RPTOR: variants seen among roughly 807,000 people sequenced by gnomAD.
RPTOR encodes regulatory-associated protein of mTOR.
A neutral mutation model predicts 169.9 loss-of-function variants in RPTOR; 21 were observed. That is an observed-to-expected ratio of 0.12 (90% CI 0.09 to 0.18). The LOEUF is 0.18. Among genes scored for constraint, RPTOR ranks in the 10% least tolerant of loss-of-function variants. RPTOR has a pLI of 1.00. For synonymous variants in RPTOR, 732 were observed against 753.2 expected (o/e 0.97, Z 0.46); for missense variants, 1,133 against 1,855.9 (o/e 0.61, Z 7.16).
At chr17:80,786,018 G>A (rs968586801) in intron 6 of RPTOR, among the ~76,000 whole-genome samples, 21 of 152,300 alleles carry the variant, frequency 1.4e-4, no homozygotes, top group Admixed American at 3.3e-4. Context: ...GCTAGGTGGG[G>A]TGGGTGGTGG....
intron 4 of RPTOR, among the ~76,000 whole-genome samples, chr17:80,711,431 G>A (rs1203556432): frequency 6.6e-6 from 1 of 152,116 alleles, no homozygotes; most frequent in Non-Finnish European, 1.5e-5. Context: ...GAACGAGGAT[G>A]GCTTTCTGTA....
At position 80,883,494 on chromosome 17, in the gene RPTOR, C is replaced by T. The variant is rs1271474187; in HGVS notation, c.1650+10C>T. ...CTATCACACGGGGCAGGTGAGCCCC[C>T]CAGCCACCCCCAGCCCCAGAGCTCA... On this transcript the variant is annotated intron_variant, in intron 15 of 33. Coordinates refer to ENST00000306801, the MANE Select transcript of RPTOR (RefSeq NM_020761.3). 1.9e-6 allele frequency: 3 copies of T among 1,612,824 alleles called. No individual in the cohort carries two copies. The highest frequency in any genetic ancestry group is 8.5e-7 in the Non-Finnish European group (1 of 1,178,952).
In RPTOR at chr17:80,927,606, GTGTCTGTC is replaced by G. The variant is rs56170130; in HGVS notation, c.2919+2148_2919+2155del. Among the ~76,000 whole-genome samples the G allele has an allele frequency of 0.018, 1,234 of 68,156 alleles. 26 individuals are homozygous for G. In the East Asian group the frequency reaches 0.28, roughly 16 times the overall value. 44.7% of individuals were successfully genotyped at this position (68,156 alleles called of 152,430 possible). On this transcript the variant is annotated intron_variant, in intron 24 of 33. Coordinates refer to ENST00000306801, the MANE Select transcript of RPTOR (RefSeq NM_020761.3). ...CAGAGGCATGTGGAAGGCCGTGTGT[GTGTCTGTC>G]TGTCTGTCTGTCTGTCTGTCTCTAT...
At chr17:80,788,509 G>A (rs1385022846) in intron 6 of RPTOR, among the ~76,000 whole-genome samples, 1 of 152,040 alleles carries the variant, frequency 6.6e-6, no homozygotes, top group Non-Finnish European at 1.5e-5. Flanking sequence ...CCTGCATCCT[G>A]TGTTAATCTG....
intron 9 of RPTOR, among the ~76,000 whole-genome samples, chr17:80,830,466 T>A (rs1405641617): frequency 6.6e-6 from 1 of 152,202 alleles, no homozygotes; most frequent in Non-Finnish European, 1.5e-5. Flanking sequence ...CAATTCTGAG[T>A]GCTGACAGTT....
At chr17:80,685,642 T>A (rs1474965567) in intron 3 of RPTOR, among the ~76,000 whole-genome samples, 80 of 104,042 alleles carry the variant, frequency 7.7e-4, no homozygotes, top group Middle Eastern at 4.7e-3. Context: ...TTTTTTTTTT[T>A]TTTTTTTTTT....
In RPTOR at chr17:80,651,613, G is replaced by A. The variant is rs932011208; in HGVS notation, c.348+7803G>A. Among the ~76,000 whole-genome samples the A allele has an allele frequency of 1.3e-5, 2 of 152,248 alleles. No homozygotes were observed. The highest frequency in any genetic ancestry group is 2.9e-5 in the Non-Finnish European group (2 of 68,052). ...GTGTACAACTTGGCTGGGCGCAGTG[G>A]CTCGCGCCTGTAATCCTAGCACTTT... On this transcript the variant is annotated intron_variant, in intron 3 of 33. Coordinates refer to ENST00000306801, the MANE Select transcript of RPTOR (RefSeq NM_020761.3). This position sits in a 1 kb window ranked among gnomAD's most constrained non-coding sequence, Gnocchi z 4.1.
chr17:80,948,227 G>A (rs866632644), intron 27 of RPTOR, among the ~76,000 whole-genome samples: 11 of 152,248 alleles, frequency 7.2e-5, no homozygotes, highest in South Asian at 2.1e-4. Flanking sequence ...GTGTCGAGTC[G>A]GTTGTGCTGA....
At chr17:80,624,868 C>T (rs2065380910) in intron 1 of RPTOR, among the ~76,000 whole-genome samples, 2 of 152,168 alleles carry the variant, frequency 1.3e-5, no homozygotes, top group Admixed American at 6.5e-5. Context: ...CTCTAGCCCA[C>T]TGAGGAGCAT....
intron 3 of RPTOR, among the ~76,000 whole-genome samples, chr17:80,649,491 G>T (rs1209303093): frequency 2.6e-5 from 4 of 152,092 alleles, no homozygotes; most frequent in Non-Finnish European, 5.9e-5. Flanking sequence ...CATCCACCTT[G>T]AGTTTCTGTG....
At chr17:80,892,304 G>A (rs993522672) in intron 18 of RPTOR, among the ~76,000 whole-genome samples, 1 of 152,156 alleles carries the variant, frequency 6.6e-6, no homozygotes, top group South Asian at 2.1e-4. Context: ...TCTCTGCCGT[G>A]CAGGGGCTTG....
chr17:80,885,279 A>T, intron 17 of RPTOR, 131 bp downstream of exon 17: 1 of 1,094,616 alleles, frequency 9.1e-7, no homozygotes, highest in Non-Finnish European at 1.3e-6. Flanking sequence ...GCGAGAGCAG[A>T]TCTTTACATG....
intron 28 of RPTOR, among the ~76,000 whole-genome samples, chr17:80,956,678 G>T (rs183891555): frequency 1.3e-5 from 2 of 152,356 alleles, no homozygotes; most frequent in Non-Finnish European, 2.9e-5. Context: ...TCGCTGCAAG[G>T]GTCTGCTCCA....
chr17:80,892,592 T>C (rs1776355505), intron 18 of RPTOR, 137 bp from the exon 19 acceptor site: 1 of 942,820 alleles, frequency 1.1e-6, no homozygotes. Context: ...CCCTGAGCTG[T>C]GCAGCCCCTG....
intron 13 of RPTOR, among the ~76,000 whole-genome samples, chr17:80,880,081 G>A (rs2068168974): frequency 6.6e-6 from 1 of 152,220 alleles, no homozygotes; most frequent in Non-Finnish European, 1.5e-5. Flanking sequence ...GCTCCAGTGT[G>A]GAGGGCAGAG....
rs2066160404 is a variant in RPTOR at position 80,708,650 on chromosome 17, G to A, written c.507+651G>A. Among the ~76,000 whole-genome samples, 1 of 127,174 alleles carries A rather than the reference G, an allele frequency of 7.9e-6. No individual in the cohort carries two copies. The highest frequency in any genetic ancestry group is 1.6e-5 in the Non-Finnish European group (1 of 61,828). The allele number at this position is 127,174 out of a possible 152,430, so 83.4% of individuals were successfully genotyped here. A position where few individuals can be genotyped will look rare whatever the true frequency, so the allele number is the denominator to read the frequency against. ...CTCCTCATCCTCCAGGGTGTGGTGG[G>A]TGCTGACTGTTGTCCCCACCCTCCA... On this transcript the variant is annotated intron_variant, in intron 4 of 33. Coordinates refer to ENST00000306801, the MANE Select transcript of RPTOR (RefSeq NM_020761.3). This position sits in a 1 kb window ranked among gnomAD's most constrained non-coding sequence, Gnocchi z 4.2.
chr17:80,574,457 C>A (rs533152977), intron 1 of RPTOR, among the ~76,000 whole-genome samples: 1 of 151,448 alleles, frequency 6.6e-6, no homozygotes, highest in Non-Finnish European at 1.5e-5. Context: ...TGAGCCACCG[C>A]GCCCGGCCGG....
chr17:80,783,531 T>A (rs537236727), intron 6 of RPTOR, among the ~76,000 whole-genome samples: 1 of 152,244 alleles, frequency 6.6e-6, no homozygotes, highest in East Asian at 1.9e-4. Flanking sequence ...AACTTTTTAA[T>A]GTCTTTTGAA....
intron 1 of RPTOR, among the ~76,000 whole-genome samples, chr17:80,572,620 G>A (rs2064919256): frequency 1.3e-5 from 2 of 152,150 alleles, no homozygotes; most frequent in South Asian, 4.1e-4. Flanking sequence ...AGCTACTTGG[G>A]AGGCTGAGGC....
Sources: allele counts gnomAD v4.1 joint callset (sites outside exome capture counted in the v4.1 genomes callset), GRCh38; gene constraint gnomAD v4.1.1; non-coding constraint Gnocchi (gnomAD v3.1); transcripts MANE v1.5; gene names NCBI Gene and HGNC (gene_info 2026-07-23, HGNC 2026-07-21).